Variants in THSD4 observed in about 807,000 individuals in gnomAD.
THSD4 encodes thrombospondin type-1 domain-containing protein 4.
Under a neutral mutation model 119.0 loss-of-function variants are expected in THSD4, and 69 were observed. The observed-to-expected ratio is 0.58, with a 90% CI of 0.48 to 0.71. The LOEUF (loss-of-function observed/expected upper bound fraction) is 0.71, where lower values mean the gene tolerates loss of function less well. THSD4 is among the 30% of genes least tolerant of loss of function. The pLI is 0.00. For missense variants in THSD4, 1,393 were observed against 1,391.1 expected, an observed-to-expected ratio of 1.00 and a Z score of -0.02; for synonymous variants, 524 against 540.4, an observed-to-expected ratio of 0.97 and a Z score of 0.42.
At chr15:71,610,606 A>G (rs1051045505) in intron 7 of THSD4, among the ~76,000 whole-genome samples, 2 of 152,214 alleles carry the variant, frequency 1.3e-5, no homozygotes, top group African/African-American at 4.8e-5. Flanking sequence ...CTGGCTCCAG[A>G]AATTTATAAC....
intron 7 of THSD4, chr15:71,547,153 C>A (rs2048848647): frequency 8.0e-7 from 1 of 1,248,626 alleles, no homozygotes; most frequent in Non-Finnish European, 1.0e-6. Flanking sequence ...TAAAGGCAGC[C>A]CCCCAGCTCC....
chr15:71,601,539 T>C (rs1210642903), intron 7 of THSD4, among the ~76,000 whole-genome samples: 1 of 152,240 alleles, frequency 6.6e-6, no homozygotes, highest in Non-Finnish European at 1.5e-5. Flanking sequence ...TGACTGTAAT[T>C]GCACCAGTCT....
At chr15:71,764,826 G>A (rs1201550766) in intron 15 of THSD4, among the ~76,000 whole-genome samples, 194 bp from the exon 16 acceptor site, 1 of 152,206 alleles carries the variant, frequency 6.6e-6, no homozygotes, top group Non-Finnish European at 1.5e-5. Context: ...GTCTGCATTT[G>A]GAGACAGAAC....
intron 7 of THSD4, among the ~76,000 whole-genome samples, chr15:71,510,192 T>C (rs2048257447): frequency 6.6e-6 from 1 of 152,216 alleles, no homozygotes; most frequent in Non-Finnish European, 1.5e-5. Flanking sequence ...CTCAGCACAG[T>C]GTCTAGTGTC....
chr15:71,227,380 C>G (rs1380858734), intron 4 of THSD4, among the ~76,000 whole-genome samples: 1 of 152,192 alleles, frequency 6.6e-6, no homozygotes, highest in Non-Finnish European at 1.5e-5. Context: ...AGGGGGATCT[C>G]AGTTCTGCAT....
At chr15:71,308,161 A>G (rs1416875553) in intron 6 of THSD4, among the ~76,000 whole-genome samples, 1 of 152,220 alleles carries the variant, frequency 6.6e-6, no homozygotes, top group Non-Finnish European at 1.5e-5. Flanking sequence ...AAACACTCTT[A>G]TCAGGACAGT....
intron 6 of THSD4, among the ~76,000 whole-genome samples, chr15:71,408,229 T>G (rs956970364): frequency 3.3e-5 from 5 of 151,892 alleles, no homozygotes; most frequent in South Asian, 2.1e-4. Context: ...CTTCAAAGGT[T>G]GTTGTTGTTG....
chr15:71,647,807 G>T (rs2051000264), intron 7 of THSD4, among the ~76,000 whole-genome samples: 2 of 152,178 alleles, frequency 1.3e-5, no homozygotes, highest in Admixed American at 1.3e-4. Flanking sequence ...CACAATATGG[G>T]ACTTCAGAGG....
rs542766306 is a variant in THSD4, at chr15:71,166,319, A to T, written c.99+11387A>T. 8.5e-5 allele frequency among the ~76,000 whole-genome samples: 13 copies of T among 152,272 alleles called. No homozygotes were observed. The South Asian group carries it at 1.7e-3, about 19-fold the overall frequency. On this transcript the variant is annotated intron_variant, in intron 3 of 17. Transcript: ENST00000261862. ...GGGGATTGGTGGCTACTGACCCCCA[A>T]CACAAGATGCACTCCAGCAATGGGT...
At chr15:71,653,445 T>G (rs1470351112) in intron 7 of THSD4, among the ~76,000 whole-genome samples, 10 of 152,136 alleles carry the variant, frequency 6.6e-5, no homozygotes, top group Admixed American at 6.5e-4. Context: ...ATGGGGAACA[T>G]TTGGCAATGT....
chr15:71,706,945 G>A lies in THSD4; in HGVS notation c.1358-21604G>A, dbSNP rs566146959. Reference sequence around the variant, plus strand: ...GAATATGTTTCCTGGAGGATGGAGAGGAGTTGGCAGAGTGGGAGATAAGAG... The same window carrying A: ...GAATATGTTTCCTGGAGGATGGAGAAGAGTTGGCAGAGTGGGAGATAAGAG... On this transcript the variant is annotated intron_variant, in intron 8 of 17. Coordinates refer to ENST00000261862, the MANE Select transcript of THSD4 (RefSeq NM_024817.3). 1.5e-3 allele frequency among the ~76,000 whole-genome samples: 221 copies of A among 152,286 alleles called. 2 individuals carry two copies. Among genetic ancestry groups the A allele is most frequent in the African/African-American group, 5.0e-3 (207 of 41,570 alleles).
intron 6 of THSD4, among the ~76,000 whole-genome samples, chr15:71,318,959 A>C (rs957059532): frequency 6.6e-6 from 1 of 152,080 alleles, no homozygotes; most frequent in African/African-American, 2.4e-5. Context: ...TATTTCTCAG[A>C]GTTTCAGTTT....
intron 6 of THSD4, among the ~76,000 whole-genome samples, chr15:71,331,350 C>T (rs573872575): frequency 9.2e-5 from 14 of 152,308 alleles, no homozygotes; most frequent in African/African-American, 1.9e-4. Flanking sequence ...AGGTCTCAGG[C>T]GGCCAAGATC....
At chr15:71,412,207 G>A (rs1249437491) in intron 7 of THSD4, among the ~76,000 whole-genome samples, 1 of 152,168 alleles carries the variant, frequency 6.6e-6, no homozygotes, top group Admixed American at 6.5e-5. Flanking sequence ...GCATTTTAAG[G>A]GAATGGCATA....
chr15:71,301,687 A>T (rs939765431), intron 6 of THSD4, among the ~76,000 whole-genome samples: 6 of 152,232 alleles, frequency 3.9e-5, no homozygotes, highest in Non-Finnish European at 8.8e-5. Flanking sequence ...ATTTATTTTT[A>T]AAAAATAATT....
chr15:71,484,774 T>C (rs961835074), intron 7 of THSD4, among the ~76,000 whole-genome samples: 1 of 152,200 alleles, frequency 6.6e-6, no homozygotes, highest in African/African-American at 2.4e-5. Context: ...GAGTTTGTGA[T>C]GAAGTGAACC....
intron 7 of THSD4, among the ~76,000 whole-genome samples, chr15:71,567,177 G>A (rs1008471883): frequency 5.9e-5 from 9 of 152,142 alleles, no homozygotes; most frequent in Admixed American, 2.0e-4. Context: ...GCAGCACGTT[G>A]CAATCATGGT....
intron 7 of THSD4, among the ~76,000 whole-genome samples, chr15:71,500,958 G>C (rs1484205827): frequency 1.3e-5 from 2 of 152,180 alleles, no homozygotes; most frequent in African/African-American, 4.8e-5. Context: ...TGTCTATTCA[G>C]GGTCCTTGGT....
chr15:71,193,933 G>C (rs571971897), intron 3 of THSD4, among the ~76,000 whole-genome samples: 1 of 152,074 alleles, frequency 6.6e-6, no homozygotes. Context: ...GGATGATCTC[G>C]ATCTCCTGAC....
Sources: allele counts gnomAD v4.1 joint callset (sites outside exome capture counted in the v4.1 genomes callset), GRCh38; gene constraint gnomAD v4.1.1; transcripts MANE v1.5; gene names NCBI Gene and HGNC (gene_info 2026-07-23, HGNC 2026-07-21).